TRIO: variants seen among roughly 807,000 people sequenced by gnomAD.
TRIO encodes the protein trio Rho guanine nucleotide exchange factor, also known as triple functional domain protein.
TRIO carries 58 observed loss-of-function variants against 351.9 expected under a neutral mutation model. That is an observed-to-expected ratio of 0.16 (90% CI 0.13 to 0.21). The LOEUF (loss-of-function observed/expected upper bound fraction) is 0.21, where lower values mean the gene tolerates loss of function less well. Among genes scored for constraint, TRIO ranks in the 10% least tolerant of loss-of-function variants. The probability of loss-of-function intolerance (pLI) is 1.00; values close to 1 mark genes in which losing one functional copy is unlikely to be tolerated. For synonymous variants in TRIO, 1,758 were observed against 1,595.7 expected, an observed-to-expected ratio of 1.10 and a Z score of -2.42; for missense variants, 3,201 against 4,027.8, an observed-to-expected ratio of 0.79 and a Z score of 5.56.
intron 5 of TRIO, among the ~76,000 whole-genome samples, chr5:14,291,788 T>TAAAAAAAAA (rs57424190): frequency 0.013 from 1,280 of 100,718 alleles, 25 homozygotes; most frequent in Non-Finnish European, 0.015. Context: ...GACTCCGTCT[T>TAAAAAAAAA]AAAAAAAAAA....
intron 1 of TRIO, among the ~76,000 whole-genome samples, chr5:14,176,255 A>G (rs1359084328): frequency 1.3e-5 from 2 of 152,080 alleles, no homozygotes; most frequent in Admixed American, 6.6e-5. Context: ...GCGGATCACG[A>G]GGTCAGGAGA....
At chr5:14,458,144 C>T (rs1280846712) in intron 34 of TRIO, among the ~76,000 whole-genome samples, 5 of 152,010 alleles carry the variant, frequency 3.3e-5, no homozygotes. Flanking sequence ...CCGACCTCCC[C>T]ACGGGCCACA....
intron 11 of TRIO, among the ~76,000 whole-genome samples, chr5:14,348,952 ACG>A (rs1742733219): frequency 6.8e-6 from 1 of 147,714 alleles, no homozygotes; most frequent in African/African-American, 2.5e-5. Context: ...GTGTGTACAC[ACG>A]TGAGCATGTG....
At chr5:14,200,717 T>A (rs944496203) in intron 1 of TRIO, among the ~76,000 whole-genome samples, 1 of 152,100 alleles carries the variant, frequency 6.6e-6, no homozygotes, top group Admixed American at 6.6e-5. Flanking sequence ...GTTGTTTTGG[T>A]TCGTAGTGCA....
intron 8 of TRIO, among the ~76,000 whole-genome samples, chr5:14,311,473 G>A (rs1460369047): frequency 1.3e-5 from 2 of 152,168 alleles, no homozygotes; most frequent in Non-Finnish European, 2.9e-5. Flanking sequence ...CTGTCGTTGG[G>A]AACACACATG....
intron 11 of TRIO, among the ~76,000 whole-genome samples, chr5:14,350,120 T>C (rs1382443883): frequency 1.3e-5 from 2 of 152,148 alleles, no homozygotes; most frequent in African/African-American, 4.8e-5. Context: ...AGTGAGCTTG[T>C]GTCAAAGGAG....
At chr5:14,244,050 A>G (rs1357359245) in intron 1 of TRIO, among the ~76,000 whole-genome samples, 1 of 152,216 alleles carries the variant, frequency 6.6e-6, no homozygotes, top group Non-Finnish European at 1.5e-5. Context: ...GCAATTTAGC[A>G]TTTTACACTT....
At chr5:14,344,349 A>G (rs929535857) in intron 11 of TRIO, among the ~76,000 whole-genome samples, 1 of 151,706 alleles carries the variant, frequency 6.6e-6, no homozygotes, top group African/African-American at 2.4e-5. Flanking sequence ...GGGAATATCC[A>G]AAAAAAATAC....
chr5:14,387,689 G>A (rs1387748098), intron 22 of TRIO, 43 bp from the exon 23 acceptor site: 1 of 1,610,448 alleles, frequency 6.2e-7, no homozygotes, highest in Admixed American at 1.7e-5. Context: ...CGCCCTCTCT[G>A]CTGATTTAAT....
rs143060617 is a variant in TRIO, at chr5:14,438,228, A to G, written c.5203+18207A>G. Among the ~76,000 whole-genome samples, 6 of 152,018 alleles carry G rather than the reference A, an allele frequency of 3.9e-5. No homozygotes were observed. The East Asian group carries it at 5.8e-4, about 15-fold the overall frequency. ...CTCTCTCCTTTCTTTGCAAAATTCAACTCCATCTGCACTAAACCTGTCTCA... is the reference window on the plus strand; with the variant it reads ...CTCTCTCCTTTCTTTGCAAAATTCAGCTCCATCTGCACTAAACCTGTCTCA... On this transcript the variant is annotated intron_variant, in intron 34 of 56. Coordinates refer to ENST00000344204, the MANE Select transcript of TRIO (RefSeq NM_007118.4).
chr5:14,301,441 A>T (rs1480661925), intron 7 of TRIO, among the ~76,000 whole-genome samples: 2 of 152,086 alleles, frequency 1.3e-5, no homozygotes, highest in Non-Finnish European at 1.5e-5. Context: ...AAAGCATCAG[A>T]TACTAAGACA....
chr5:14,268,724 C>T (rs545034017), intron 1 of TRIO, among the ~76,000 whole-genome samples: 14 of 152,336 alleles, frequency 9.2e-5, no homozygotes, highest in Admixed American at 4.6e-4. Context: ...CATAGCACTT[C>T]GTGCTGCCTA....
chr5:14,352,936 A>G (rs1210560249), intron 11 of TRIO, among the ~76,000 whole-genome samples: 2 of 152,136 alleles, frequency 1.3e-5, no homozygotes, highest in African/African-American at 2.4e-5. Flanking sequence ...TTTGACCCCT[A>G]AAGATTCATG....
At chr5:14,168,078 A>G (rs1437215913) in intron 1 of TRIO, among the ~76,000 whole-genome samples, 1 of 152,218 alleles carries the variant, frequency 6.6e-6, no homozygotes, top group Non-Finnish European at 1.5e-5. Context: ...AATGTTACTA[A>G]TTTCTGGCAG....
chr5:14,191,002 G>A (rs1187730157), intron 1 of TRIO, among the ~76,000 whole-genome samples: 1 of 152,130 alleles, frequency 6.6e-6, no homozygotes, highest in African/African-American at 2.4e-5. Flanking sequence ...AATAACTAGC[G>A]CAGCGTGTTC....
intron 46 of TRIO, 60 bp downstream of exon 46, chr5:14,482,833 A>C: frequency 7.3e-7 from 1 of 1,375,056 alleles, no homozygotes; most frequent in Admixed American, 2.6e-5. Flanking sequence ...ACACCGATAC[A>C]CTGTTTCCTT....
intron 49 of TRIO, among the ~76,000 whole-genome samples, chr5:14,495,648 G>T (rs1276724900): frequency 7.3e-5 from 7 of 95,368 alleles, no homozygotes; most frequent in Non-Finnish European, 1.3e-4. Flanking sequence ...GTGAAACCCC[G>T]TCTCTACTAG....
chr5:14,194,699 G>A (rs1320972091), intron 1 of TRIO, among the ~76,000 whole-genome samples: 1 of 152,222 alleles, frequency 6.6e-6, no homozygotes, highest in Non-Finnish European at 1.5e-5. Context: ...TAGAGGAATA[G>A]TGTATAGCCT....
chr5:14,273,680 C>T (rs568488740), intron 2 of TRIO, among the ~76,000 whole-genome samples: 229 of 152,286 alleles, frequency 1.5e-3, no homozygotes, highest in African/African-American at 5.4e-3. Flanking sequence ...GAGGATGCAG[C>T]CCTCACAAGA....
Sources: allele counts gnomAD v4.1 joint callset (sites outside exome capture counted in the v4.1 genomes callset), GRCh38; gene constraint gnomAD v4.1.1; transcripts MANE v1.5; gene names NCBI Gene and HGNC (gene_info 2026-07-23, HGNC 2026-07-21).